Variants in COQ5 observed in about 807,000 individuals in gnomAD.
COQ5 encodes the protein 2-methoxy-6-polyprenyl-1,4-benzoquinol methylase, mitochondrial.
In COQ5, 27 loss-of-function variants were observed where a neutral mutation model predicts 40.5. The observed-to-expected ratio is 0.67, with a 90% CI of 0.49 to 0.92. The LOEUF (loss-of-function observed/expected upper bound fraction) is 0.92. COQ5 is among the 40% of genes least tolerant of loss of function. COQ5 has a pLI of 0.00. For synonymous variants in COQ5, 141 were observed against 150.0 expected, an observed-to-expected ratio of 0.94 and a Z score of 0.44; for missense variants, 409 against 406.4, an observed-to-expected ratio of 1.01 and a Z score of -0.06.
At chr12:120,504,346 T>C (rs1008341362) in intron 5 of COQ5, among the ~76,000 whole-genome samples, 4 of 151,938 alleles carry the variant, frequency 2.6e-5, no homozygotes, top group Non-Finnish European at 5.9e-5. Flanking sequence ...AGGGCTGCCA[T>C]GTATCTGATT....
chr12:120,513,495 C>G (rs1461904641), intron 3 of COQ5, among the ~76,000 whole-genome samples: 4 of 149,048 alleles, frequency 2.7e-5, no homozygotes, highest in Non-Finnish European at 6.0e-5. Context: ...GAGCGAGACT[C>G]CGTCTCAAAA....
At chr12:120,515,037 C>T (rs1001402322) in intron 3 of COQ5, among the ~76,000 whole-genome samples, 2 of 152,054 alleles carry the variant, frequency 1.3e-5, no homozygotes, top group African/African-American at 2.4e-5. Flanking sequence ...GGGGATCCAC[C>T]CCCCCTCGGC....
intron 3 of COQ5, 120 bp downstream of exon 3, chr12:120,516,447 A>G: frequency 1.2e-6 from 1 of 862,766 alleles, no homozygotes; most frequent in Non-Finnish European, 2.0e-6. Context: ...ATCATCTTCA[A>G]CCTGCCCATC....
At chr12:120,517,100 A>G (rs1378888744) in intron 2 of COQ5, among the ~76,000 whole-genome samples, 8 of 152,068 alleles carry the variant, frequency 5.3e-5, no homozygotes, top group African/African-American at 1.9e-4. Context: ...CAATCTCAGC[A>G]CTTTGGGAGG....
chr12:120,524,308 T>G (rs555549147), intron 1 of COQ5, among the ~76,000 whole-genome samples: 31 of 152,144 alleles, frequency 2.0e-4, no homozygotes, highest in African/African-American at 7.2e-4. Flanking sequence ...TCGCCCAGGC[T>G]GCAGTGCAGT....
intron 3 of COQ5, among the ~76,000 whole-genome samples, chr12:120,513,501 CA>C (rs553219611): frequency 0.02 from 1,259 of 61,972 alleles, 13 homozygotes; most frequent in South Asian, 0.041. Context: ...GACTCCGTCT[CA>C]AAAAAAAAAA....
At chr12:120,526,211 G>A (rs10849757) in intron 1 of COQ5, among the ~76,000 whole-genome samples, 39,538 of 152,186 alleles carry the variant, frequency 0.26, 5,987 homozygotes, top group East Asian at 0.5. Context: ...TCAGTTCACA[G>A]ACAGTAAAGC....
chr12:120,528,823 T>C, intron 1 of COQ5, 117 bp downstream of exon 1: 1 of 970,544 alleles, frequency 1.0e-6, no homozygotes, highest in Non-Finnish European at 1.6e-6. Context: ...AAAAAAATCA[T>C]AACTGCACAG....
chr12:120,509,705 C>G (rs1265065070), intron 4 of COQ5: 1 of 334,452 alleles, frequency 3.0e-6, no homozygotes, highest in Admixed American at 4.1e-5. Flanking sequence ...AAACTTCAAA[C>G]AGGCATTCCA....
chr12:120,510,163 C>T (rs1869063366), intron 3 of COQ5, 40 bp from the exon 4 acceptor site: 1 of 1,457,008 alleles, frequency 6.9e-7, no homozygotes, highest in Middle Eastern at 1.7e-4. Flanking sequence ...GTGTGGGTAG[C>T]TGTTTTTCCT....
intron 4 of COQ5, among the ~76,000 whole-genome samples, chr12:120,508,468 CAGTAA>C (rs1387974927): frequency 6.6e-6 from 1 of 152,116 alleles, no homozygotes; most frequent in East Asian, 1.9e-4. Context: ...TAAGGTTAGT[CAGTAA>C]ACAAATGATC....
chr12:120,512,384 C>T (rs1337399679), intron 3 of COQ5, among the ~76,000 whole-genome samples: 10 of 151,968 alleles, frequency 6.6e-5, no homozygotes, highest in East Asian at 1.9e-4. Flanking sequence ...AGGTGGATCA[C>T]GAGGTCAAGA....
At chr12:120,527,402 T>C (rs1870001865) in intron 1 of COQ5, 1 of 152,098 alleles carries the variant, frequency 6.6e-6, no homozygotes. Context: ...TCAACTTCAG[T>C]ATATATTTTT....
chr12:120,524,500 T>C (rs1039125280), intron 1 of COQ5, among the ~76,000 whole-genome samples: 19 of 152,030 alleles, frequency 1.2e-4, no homozygotes, highest in African/African-American at 4.1e-4. Flanking sequence ...GACCTCGTGA[T>C]CCGCCCGCCT....
intron 2 of COQ5, 120 bp downstream of exon 2, chr12:120,522,094 G>C (rs1869688882): frequency 1.0e-6 from 1 of 956,384 alleles, no homozygotes; most frequent in Non-Finnish European, 1.6e-6. Context: ...GAAGTTATAA[G>C]TATGCAGATT....
chr12:120,516,486 G>T, intron 3 of COQ5, 81 bp downstream of exon 3: 1 of 1,200,540 alleles, frequency 8.3e-7, no homozygotes. Flanking sequence ...AAAAGATAAA[G>T]CATTTCAATA....
intron 2 of COQ5, among the ~76,000 whole-genome samples, chr12:120,521,129 G>A (rs907824865): frequency 5.5e-5 from 8 of 145,586 alleles, no homozygotes; most frequent in African/African-American, 1.8e-4. Flanking sequence ...GTAATGGTAC[G>A]ATCTCAGCTC....
At chr12:120,517,428 C>T (rs1056323658) in intron 2 of COQ5, among the ~76,000 whole-genome samples, 2 of 149,774 alleles carry the variant, frequency 1.3e-5, no homozygotes, top group African/African-American at 2.5e-5. Flanking sequence ...CCCAGCACTT[C>T]GGGAGGCCGA....
chr12:120,523,794 G>A (rs922296278), intron 1 of COQ5: 19 of 248,194 alleles, frequency 7.7e-5, no homozygotes, highest in African/African-American at 3.7e-4. Context: ...TGGTTCACTC[G>A]AGGCCAGGAG....
Sources: gnomAD v4.1 joint callset for allele counts (sites outside exome capture counted in the v4.1 genomes callset) on GRCh38, gnomAD v4.1.1 for gene constraint, MANE v1.5 for transcripts, NCBI Gene and HGNC (gene_info 2026-07-23, HGNC 2026-07-21) for gene names.